The following CHL1 variants were observed in gnomAD, a reference collection of about 807,000 sequenced individuals.
The protein encoded by CHL1 is neural cell adhesion molecule L1-like protein.
Under a neutral mutation model 141.9 loss-of-function variants are expected in CHL1, and 96 were observed. The ratio of observed to expected loss-of-function variants is 0.68; its 90% confidence interval spans 0.57 to 0.80. The LOEUF is 0.80. CHL1 is among the 30% of genes least tolerant of loss of function. The pLI is 0.00. For synonymous variants in CHL1, 613 were observed against 502.2 expected (o/e 1.22, Z -2.95); for missense variants, 1,820 against 1,457.2 (o/e 1.25, Z -4.05).
Position 322,622 on chromosome 3 carries a change from C to T in CHL1, c.91+2755C>T, listed in dbSNP as rs575309394. Among the ~76,000 whole-genome samples, 17 of 133,526 alleles carry T rather than the reference C, an allele frequency of 1.3e-4. No homozygotes were observed. The East Asian group carries it at 3.3e-3, about 26-fold the overall frequency. 87.6% of individuals were successfully genotyped at this position (133,526 alleles called of 152,430 possible). A position where few individuals can be genotyped will look rare whatever the true frequency, so the allele number is the denominator to read the frequency against. On this transcript the variant is annotated intron_variant, in intron 3 of 27. Transcript: ENST00000256509. ...CCTGGCAAATGTAATGAGACCTCATCTCTAAATTATATATATATATAAAAT... is the reference window on the plus strand; with the variant it reads ...CCTGGCAAATGTAATGAGACCTCATTTCTAAATTATATATATATATAAAAT...
At chr3:284,422 G>A (rs1251615284) in intron 2 of CHL1, among the ~76,000 whole-genome samples, 1 of 152,206 alleles carries the variant, frequency 6.6e-6, no homozygotes, top group Non-Finnish European at 1.5e-5. Context: ...ACCCATATTT[G>A]TGAAAAACAC....
At chr3:292,806 C>T (rs11713452) in intron 2 of CHL1, among the ~76,000 whole-genome samples, 38,337 of 151,976 alleles carry the variant, frequency 0.25, 5,074 homozygotes, top group Middle Eastern at 0.41. Flanking sequence ...AGGCGCCACA[C>T]GCTTCTAAAC....
intron 8 of CHL1, among the ~76,000 whole-genome samples, chr3:343,700 C>T (rs1258326189): frequency 6.6e-6 from 1 of 152,074 alleles, no homozygotes; most frequent in East Asian, 1.9e-4. Context: ...AACTTAGATA[C>T]CTTGCATACT....
intron 2 of CHL1, among the ~76,000 whole-genome samples, chr3:257,364 T>G (rs1313848662): frequency 6.6e-6 from 1 of 150,508 alleles, no homozygotes; most frequent in Non-Finnish European, 1.5e-5. Context: ...TTTTTTTTTT[T>G]TTTTTGTGAG....
At chr3:283,903 T>C (rs1158543189) in intron 2 of CHL1, among the ~76,000 whole-genome samples, 1 of 152,224 alleles carries the variant, frequency 6.6e-6, no homozygotes, top group Non-Finnish European at 1.5e-5. Context: ...TATGTATGAT[T>C]AAAATAAATG....
chr3:273,749 T>C (rs58471136), intron 2 of CHL1, among the ~76,000 whole-genome samples: 2,628 of 152,288 alleles, frequency 0.017, 62 homozygotes, highest in African/African-American at 0.056. Flanking sequence ...AGTTATAATG[T>C]TTCTGCCTTT....
intron 2 of CHL1, among the ~76,000 whole-genome samples, chr3:273,461 C>G (rs1227043555): frequency 6.6e-6 from 1 of 152,122 alleles, no homozygotes; most frequent in African/African-American, 2.4e-5. Context: ...TCATTTTTCT[C>G]TTAGCCTCTG....
intron 2 of CHL1, among the ~76,000 whole-genome samples, chr3:319,190 A>G (rs1432492230): frequency 6.6e-6 from 1 of 151,846 alleles, no homozygotes; most frequent in East Asian, 1.9e-4. Context: ...GGACATAAAG[A>G]TAAGAATAAT....
chr3:367,501 A>G (rs971934913), intron 15 of CHL1, among the ~76,000 whole-genome samples: 3 of 152,204 alleles, frequency 2.0e-5, no homozygotes, highest in Non-Finnish European at 4.4e-5. Flanking sequence ...AAAGTATTAA[A>G]AAGGTACTTT....
chr3:356,508 G>A (rs1291406423), intron 11 of CHL1, among the ~76,000 whole-genome samples: 1 of 152,180 alleles, frequency 6.6e-6, no homozygotes, highest in Non-Finnish European at 1.5e-5. Context: ...CCTGCCATTA[G>A]ACAAATAACA....
At chr3:353,267 A>C (rs1575142433) in intron 10 of CHL1, among the ~76,000 whole-genome samples, 2 of 152,350 alleles carry the variant, frequency 1.3e-5, no homozygotes, top group Admixed American at 1.3e-4. Flanking sequence ...TATTATAAAT[A>C]TGATATGCCA....
At position 394,729 on chromosome 3, in the gene CHL1, T is replaced by C. The variant is rs1708525413; in HGVS notation, c.2951T>C (p.Ile984Thr). 1 of 1,613,332 alleles carries C rather than the reference T, an allele frequency of 6.2e-7. No homozygotes were observed. The highest frequency in any genetic ancestry group is 1.3e-5 in the African/African-American group (1 of 74,968). The change falls in exon 24 of 28, where the codon ATT becomes ACT. Residue 984 changes from isoleucine (I) to threonine (T), a missense_variant. By Grantham distance (89) the Ile-to-Thr change is moderately conservative. Coordinates refer to ENST00000256509, the MANE Select transcript of CHL1 (RefSeq NM_006614.4). ...TACGAGATTGGAGAATTAAATGATATTAACATTACAACTCCATCAAAGCCC... is the reference window on the plus strand; with the variant it reads ...TACGAGATTGGAGAATTAAATGATACTAACATTACAACTCCATCAAAGCCC... ...DTYEIGELND[I>T]NITTPSKPSW...
At chr3:372,113 A>G (rs1310753701) in intron 15 of CHL1, among the ~76,000 whole-genome samples, 1 of 152,054 alleles carries the variant, frequency 6.6e-6, no homozygotes, top group African/African-American at 2.4e-5. Context: ...GGAGTATCTT[A>G]GTGGTGTACT....
chr3:347,670 C>G (rs1354662825), intron 9 of CHL1, among the ~76,000 whole-genome samples: 1 of 152,118 alleles, frequency 6.6e-6, no homozygotes, highest in Admixed American at 6.6e-5. Context: ...AGTTCCAGAG[C>G]AGCCTATAAC....
intron 1 of CHL1, among the ~76,000 whole-genome samples, chr3:219,818 T>G (rs192077750): frequency 6.6e-6 from 1 of 152,240 alleles, no homozygotes; most frequent in Non-Finnish European, 1.5e-5. Context: ...AACTGGCACA[T>G]GTACCCCTGA....
At chr3:211,935 T>G (rs796395460) in intron 1 of CHL1, among the ~76,000 whole-genome samples, 4 of 152,266 alleles carry the variant, frequency 2.6e-5, no homozygotes, top group African/African-American at 9.6e-5. Context: ...GGAACAAACG[T>G]GTGGGAGTGG....
chr3:365,962 T>A lies in CHL1; in HGVS notation c.1598T>A (p.Leu533His). 6.2e-7 allele frequency: 1 copy of A among 1,612,986 alleles called. No homozygotes were observed. The highest frequency in any genetic ancestry group is 8.5e-7 in the Non-Finnish European group (1 of 1,179,306). The change falls in exon 15 of 28, where the codon CTT (leucine) becomes CAT (histidine). Residue 533 changes from leucine (L) to histidine (H), a missense_variant. By Grantham distance (99) the Leu-to-His change is moderately conservative. Coordinates refer to ENST00000256509, the MANE Select transcript of CHL1 (RefSeq NM_006614.4). Reference protein sequence around the residue: ...ANLDIRNATKLRVSPKNPRIP... With the variant: ...ANLDIRNATKHRVSPKNPRIP... ...TTGGTAAAAACAGATGCTACAAAAC[T>A]TAGAGTTTCTCCTAAGAATCCTCGT...
At chr3:314,327 GTGTATATATATATATATATATATATA>G (rs1559240175) in intron 2 of CHL1, among the ~76,000 whole-genome samples, 1 of 57,024 alleles carries the variant, frequency 1.8e-5, no homozygotes, top group Admixed American at 2.5e-4. Context: ...CTCTCTCTAT[GTGTATATATATATATATATATATATA>G]TATATATATA....
At chr3:276,647 T>C (rs561331255) in intron 2 of CHL1, among the ~76,000 whole-genome samples, 9 of 152,108 alleles carry the variant, frequency 5.9e-5, no homozygotes, top group African/African-American at 1.4e-4. Flanking sequence ...CCCAGCACTT[T>C]GGGAGGCCGA....
Sources: allele counts gnomAD v4.1 joint callset (sites outside exome capture counted in the v4.1 genomes callset), GRCh38; gene constraint gnomAD v4.1.1; transcripts MANE v1.5; gene names NCBI Gene and HGNC (gene_info 2026-07-23, HGNC 2026-07-21).